NAXD: variants seen among roughly 807,000 people sequenced by gnomAD.
The protein encoded by NAXD is ATP-dependent (S)-NAD(P)H-hydrate dehydratase.
In NAXD, 22 loss-of-function variants were observed where a neutral mutation model predicts 35.8. That is an observed-to-expected ratio of 0.62 (90% confidence interval 0.44 to 0.88). The LOEUF (loss-of-function observed/expected upper bound fraction) is 0.88, where lower values mean the gene tolerates loss of function less well. NAXD is among the 40% of genes least tolerant of loss of function. The pLI, the probability that NAXD is intolerant of heterozygous loss-of-function variation, is 0.00. For missense variants in NAXD, 428 were observed against 437.7 expected, an observed-to-expected ratio of 0.98 and a Z score of 0.20; for synonymous variants, 189 against 177.6, an observed-to-expected ratio of 1.06 and a Z score of -0.51.
At chr13:110,615,809 G>T (rs181210785) in intron 1 of NAXD, 162 bp downstream of exon 1, 10 of 1,296,958 alleles carry the variant, frequency 7.7e-6, no homozygotes, top group African/African-American at 1.5e-5. Flanking sequence ...CTGGCTCGCG[G>T]GGGGGAAGCG....
chr13:110,625,760 G>T (rs1165396627), intron 4 of NAXD, among the ~76,000 whole-genome samples: 1 of 152,252 alleles, frequency 6.6e-6, no homozygotes, highest in Non-Finnish European at 1.5e-5. Flanking sequence ...CTGCCGTCCA[G>T]GATTGTGGCC....
rs1359494102 is a variant in NAXD, at chr13:110,638,352, ACCT to A, written c.840-22_840-20del. The A allele has an allele frequency of 6.2e-7, 1 of 1,613,304 alleles. No individual in the cohort carries two copies. The highest frequency in any genetic ancestry group is 1.6e-4 in the Middle Eastern group (1 of 6,062). ...CGGACCACGACGCCCACTTCCCCAC[ACCT>A]CCTGCTGTCCCCCTCTCCGCAGGTC... On this transcript the variant is annotated intron_variant, in intron 9 of 9. Coordinates refer to ENST00000680254, the MANE Select transcript of NAXD (RefSeq NM_001242882.2). This position sits in a 1 kb window ranked among gnomAD's most constrained non-coding sequence, Gnocchi z 5.4.
chr13:110,631,881 C>T lies in NAXD; in HGVS notation c.442-2664C>T, dbSNP rs191431267. Among the ~76,000 whole-genome samples the T allele has an allele frequency of 1.7e-4, 26 of 152,306 alleles. 1 individual carries two copies. Among genetic ancestry groups the T allele is most frequent in the South Asian group, 4.1e-4 (2 of 4,830 alleles). On this transcript the variant is annotated intron_variant, in intron 5 of 9. Coordinates refer to ENST00000680254, the MANE Select transcript of NAXD (RefSeq NM_001242882.2). ...CACACTTTCCTATGGCTGGAATGTG[C>T]GTCATAAACAGGCTGAAATGAGCAC...
chr13:110,638,162 C>T lies in NAXD; in HGVS notation c.840-216C>T, dbSNP rs146458459. On this transcript the variant is annotated intron_variant, in intron 9 of 9. Coordinates refer to ENST00000680254, the MANE Select transcript of NAXD (RefSeq NM_001242882.2). The surrounding 1 kb of genome is among the most constrained non-coding windows in gnomAD (Gnocchi z 5.4). ...CTGGACCTGTCTCCGAGTACATAGA[C>T]GTTTCCTGTGTGCCTCCTGCCAGGG... 153 of 1,377,548 alleles carry T rather than the reference C, an allele frequency of 1.1e-4. No individual in the cohort carries two copies. The African/African-American group carries it at 1.5e-3, about 13-fold the overall frequency. The allele number at this position is 1,377,548 out of a possible 1,614,324, so 85.3% of individuals were successfully genotyped here.
chr13:110,627,563 A>ACTCACTTCC lies in NAXD; in HGVS notation c.441+21_441+29dup. 6.5e-7 allele frequency: 1 copy of ACTCACTTCC among 1,547,708 alleles called. No individual in the cohort carries two copies. Among genetic ancestry groups the ACTCACTTCC allele is most frequent in the South Asian group, 1.1e-5 (1 of 89,596 alleles). On this transcript the variant is annotated intron_variant, in intron 5 of 9. Transcript: ENST00000680254. ...AAATGTCCAGGTAATGTGTATACTC[A>ACTCACTTCC]CTCACTTCCCTCATGACAGGCTTAG...
Position 110,638,239 on chromosome 13 carries a change from C to T in NAXD, c.840-139C>T. Reference sequence around the variant, plus strand: ...CGCTGTGATAAACCTGCTTTCTCCTCAGGGGCATATCAGACTTGAAATTGA... The same window carrying T: ...CGCTGTGATAAACCTGCTTTCTCCTTAGGGGCATATCAGACTTGAAATTGA... On this transcript the variant is annotated intron_variant, in intron 9 of 9. Coordinates refer to ENST00000680254, the MANE Select transcript of NAXD (RefSeq NM_001242882.2). This position sits in a 1 kb window ranked among gnomAD's most constrained non-coding sequence, Gnocchi z 5.4. 6.4e-7 allele frequency: 1 copy of T among 1,554,772 alleles called. No homozygotes were observed. Among genetic ancestry groups the T allele is most frequent in the South Asian group, 1.2e-5 (1 of 81,090 alleles).
At chr13:110,618,553 C>A (rs1886143718) in intron 1 of NAXD, among the ~76,000 whole-genome samples, 1 of 152,182 alleles carries the variant, frequency 6.6e-6, no homozygotes, top group Non-Finnish European at 1.5e-5. Flanking sequence ...GGGTTTTACA[C>A]ACTCAGAATT....
At chr13:110,620,180 T>G (rs1191137488) in intron 1 of NAXD, among the ~76,000 whole-genome samples, 1 of 152,076 alleles carries the variant, frequency 6.6e-6, no homozygotes, top group Non-Finnish European at 1.5e-5. Context: ...GATGGGTGCA[T>G]TGGTCCCCTG....
At chr13:110,625,441 G>T (rs1201356329) in intron 4 of NAXD, among the ~76,000 whole-genome samples, 163 bp downstream of exon 4, 1 of 152,252 alleles carries the variant, frequency 6.6e-6, no homozygotes, top group Non-Finnish European at 1.5e-5. Context: ...GTTCTTCTGG[G>T]GTCAGAATAA....
At chr13:110,629,491 C>T (rs1886626137) in intron 5 of NAXD, among the ~76,000 whole-genome samples, 1 of 152,214 alleles carries the variant, frequency 6.6e-6, no homozygotes, top group Non-Finnish European at 1.5e-5. Flanking sequence ...CAGTTCCTGG[C>T]AGCCACTCAG....
At position 110,616,201 on chromosome 13, in the gene NAXD, C is replaced by T. The variant is rs190517897; in HGVS notation, c.46+554C>T. 388 of 177,546 alleles carry T rather than the reference C, an allele frequency of 2.2e-3. 3 individuals are homozygous for T. The highest frequency in any genetic ancestry group is 3.7e-3 in the Non-Finnish European group (317 of 85,626). 11.0% of individuals were successfully genotyped at this position (177,546 alleles called of 1,614,324 possible). On this transcript the variant is annotated intron_variant, in intron 1 of 9. Transcript: ENST00000680254. ...TGGATACGGGGGCCCTCCTGGGGCC[C>T]AGGGACGCGGCGGGCGTGCAGGCGA...
rs375321600 is a variant in NAXD at position 110,615,573 on chromosome 13, G to A, written c.-29G>A. 638 of 1,340,964 alleles carry A rather than the reference G, an allele frequency of 4.8e-4. 3 individuals carry two copies. The African/African-American group carries it at 7.8e-3, about 16-fold the overall frequency. 83.1% of individuals were successfully genotyped at this position (1,340,964 alleles called of 1,614,324 possible). On this transcript the variant is annotated 5_prime_UTR_variant, in exon 1 of 10. Transcript: ENST00000680254. The stretch of plus-strand genomic sequence containing the variant: ...GGCTGTGTTTCCGGCGACGGCGCGG[G>A]GGCAGCTGGGAATCCGGAATGCTGC...
intron 1 of NAXD, chr13:110,616,092 G>T: frequency 6.0e-6 from 2 of 332,116 alleles, no homozygotes; most frequent in Non-Finnish European, 1.1e-5. Flanking sequence ...TGGTGCGCTG[G>T]TCGGATCCGT....
chr13:110,615,665 T>C lies in NAXD; in HGVS notation c.46+18T>C. The C allele has an allele frequency of 2.6e-6, 4 of 1,520,042 alleles. No homozygotes were observed. Among genetic ancestry groups the C allele is most frequent in the Non-Finnish European group, 2.6e-6 (3 of 1,139,652 alleles). The allele number at this position is 1,520,042 out of a possible 1,614,324, so 94.2% of individuals were successfully genotyped here. On this transcript the variant is annotated intron_variant, in intron 1 of 9. Transcript: ENST00000680254. ...CAGACGAGGTAAGGTCGATTCCATT[T>C]GGCCCGGGGATGGTCACACGCGCGG...
At chr13:110,616,595 T>G (rs948164585) in intron 1 of NAXD, among the ~76,000 whole-genome samples, 2 of 152,242 alleles carry the variant, frequency 1.3e-5, no homozygotes, top group African/African-American at 4.8e-5. Flanking sequence ...AAACAGGAGC[T>G]GAGCAAGTGC....
chr13:110,637,912 G>A (rs958409161), intron 9 of NAXD: 2 of 507,582 alleles, frequency 3.9e-6, no homozygotes, highest in South Asian at 3.1e-5. Context: ...TTTGAGAGCC[G>A]AGGAGGTAGG....
intron 6 of NAXD, 34 bp from the exon 7 acceptor site, chr13:110,634,638 C>G (rs374985813): frequency 2.5e-6 from 4 of 1,613,934 alleles, no homozygotes; most frequent in Non-Finnish European, 3.4e-6. Context: ...CCCGGAAGGC[C>G]TGTGCAGTGA....
At chr13:110,630,326 C>A (rs955260862) in intron 5 of NAXD, among the ~76,000 whole-genome samples, 2 of 152,138 alleles carry the variant, frequency 1.3e-5, no homozygotes, top group African/African-American at 4.8e-5. Context: ...CCATGCCTGG[C>A]CTCTTTGGGT....
chr13:110,634,900 C>G (rs1367150110), intron 7 of NAXD, 124 bp downstream of exon 7: 18 of 718,708 alleles, frequency 2.5e-5, no homozygotes, highest in Non-Finnish European at 4.1e-5. Flanking sequence ...ATCGCTGTGC[C>G]TCTCCCAGCG....
Sources: gnomAD v4.1 joint callset for allele counts (sites outside exome capture counted in the v4.1 genomes callset) on GRCh38, gnomAD v4.1.1 for gene constraint, Gnocchi (gnomAD v3.1) non-coding constraint, MANE v1.5 for transcripts, NCBI Gene and HGNC (gene_info 2026-07-23, HGNC 2026-07-21) for gene names.